The following DNAJB1 variants were observed in gnomAD, a reference collection of about 807,000 sequenced individuals.
DNAJB1 encodes the protein DnaJ heat shock protein family (Hsp40) member B1.
DNAJB1 carries 14 observed loss-of-function variants against 24.0 expected under a neutral mutation model. The ratio of observed to expected loss-of-function variants is 0.58; its 90% CI spans 0.39 to 0.91. DNAJB1 has a LOEUF of 0.91. Among genes scored for constraint, DNAJB1 ranks in the 40% least tolerant of loss-of-function variants. The pLI is 0.00. For synonymous variants in DNAJB1, 262 were observed against 174.4 expected (o/e 1.50, Z -3.96); for missense variants, 517 against 458.1 (o/e 1.13, Z -1.17).
At chr19:14,530,688 A>G (rs2072608252), upstream of DNAJB1, 1 of 152,186 alleles carries the variant, frequency 6.6e-6, no homozygotes, top group Admixed American at 6.6e-5. Flanking sequence ...CTTAGTTCCT[A>G]GCCACTATGC....
At chr19:14,517,227 A>G in intron 1 of DNAJB1, 181 bp from the exon 2 acceptor site, 1 of 615,846 alleles carries the variant, frequency 1.6e-6, no homozygotes, top group Non-Finnish European at 2.8e-6. Flanking sequence ...CCCCCCTACC[A>G]ACAGTATTTC....
At chr19:14,559,153 A>G (rs760216504) in intron 1 of DNAJB1, among the ~76,000 whole-genome samples, 1 of 151,910 alleles carries the variant, frequency 6.6e-6, no homozygotes, top group Non-Finnish European at 1.5e-5. Context: ...CCTGTTTGTT[A>G]CCCCTCACCC....
chr19:14,525,772 T>C (rs1055575077), intron 2 of DNAJB1, among the ~76,000 whole-genome samples: 2 of 150,236 alleles, frequency 1.3e-5, no homozygotes, highest in Non-Finnish European at 3.0e-5. Context: ...CTAAAATGGG[T>C]GAATTTTACT....
upstream of DNAJB1, among the ~76,000 whole-genome samples, chr19:14,518,693 C>T (rs988572998): frequency 6.6e-6 from 1 of 152,100 alleles, no homozygotes; most frequent in Non-Finnish European, 1.5e-5. Flanking sequence ...TCCCTCTCTA[C>T]GCGGCCCCAG....
At chr19:14,518,853 G>T (rs1327878401), upstream of DNAJB1, among the ~76,000 whole-genome samples, 2 of 152,254 alleles carry the variant, frequency 1.3e-5, no homozygotes, top group Non-Finnish European at 2.9e-5. Flanking sequence ...GCCTGCGGTG[G>T]GCTCCCGCCC....
intron 1 of DNAJB1, among the ~76,000 whole-genome samples, chr19:14,546,039 C>T (rs2146589630): frequency 6.6e-6 from 1 of 152,236 alleles, no homozygotes; most frequent in Admixed American, 6.5e-5. Context: ...TCACGCCCGC[C>T]ATGCCACTGA....
intron 1 of DNAJB1, among the ~76,000 whole-genome samples, chr19:14,544,414 C>T (rs1312054725): frequency 6.6e-6 from 1 of 151,902 alleles, no homozygotes; most frequent in Non-Finnish European, 1.5e-5. Flanking sequence ...CAGGCTCAGC[C>T]GTTCAGCCGC....
At chr19:14,536,879 G>A (rs2072916526) in intron 1 of DNAJB1, among the ~76,000 whole-genome samples, 1 of 151,282 alleles carries the variant, frequency 6.6e-6, no homozygotes, top group African/African-American at 2.4e-5. Flanking sequence ...GCTTGGTGCA[G>A]CACCTTGCAG....
chr19:14,557,116 T>TAATTAATTAATTA (rs1568422129), intron 1 of DNAJB1, among the ~76,000 whole-genome samples: 34 of 133,886 alleles, frequency 2.5e-4, no homozygotes, highest in African/African-American at 1.0e-3. Context: ...GGTCTAATCT[T>TAATTAATTAATTA]ATTTATTTAT....
chr19:14,554,206 C>T (rs1024567854), upstream of DNAJB1, among the ~76,000 whole-genome samples: 6 of 152,198 alleles, frequency 3.9e-5, no homozygotes, highest in Admixed American at 2.6e-4. Context: ...CTGCTCCCTC[C>T]GGCTGCTGCA....
chr19:14,522,790 A>C (rs1041191626), upstream of DNAJB1, among the ~76,000 whole-genome samples: 1 of 151,898 alleles, frequency 6.6e-6, no homozygotes, highest in Non-Finnish European at 1.5e-5. Context: ...GGAACTATGC[A>C]AGTGAGTCTG....
chr19:14,551,460 A>G (rs1484977066), upstream of DNAJB1, among the ~76,000 whole-genome samples: 4 of 152,158 alleles, frequency 2.6e-5, no homozygotes, highest in Non-Finnish European at 5.9e-5. Flanking sequence ...TCCCTGTGTT[A>G]GATGGTCTTG....
At chr19:14,529,808 CG>C (rs2072549916), upstream of DNAJB1, 3 of 1,571,134 alleles carry the variant, frequency 1.9e-6, no homozygotes, top group African/African-American at 4.1e-5. Context: ...TCCTGTGCCC[CG>C]AAGGAAGAGC....
chr19:14,518,298 C>G lies in DNAJB1; in HGVS notation c.52G>C (p.Glu18Gln). 6.2e-7 allele frequency: 1 copy of G among 1,608,462 alleles called. No homozygotes were observed. Among genetic ancestry groups the G allele is most frequent in the Non-Finnish European group, 8.5e-7 (1 of 1,178,856 alleles). ...TLGLARGASD[E>Q]EIKRAYRRQA... ...CGGCGGTAGGCCCGCTTGATCTCCTCGTCCGACGCGCCGCGGGCCAGGCCC... is the reference window on the plus strand; with the variant it reads ...CGGCGGTAGGCCCGCTTGATCTCCTGGTCCGACGCGCCGCGGGCCAGGCCC... Residue 18 changes from glutamate (E) to glutamine (Q), a missense_variant, in exon 1 of 3, where the codon GAG (glutamate) becomes CAG (glutamine). Glu to Gln is a conservative substitution (Grantham distance 29). Coordinates refer to ENST00000254322, the MANE Select transcript of DNAJB1 (RefSeq NM_006145.3).
At chr19:14,518,054 CG>C (rs1429065753) in intron 1 of DNAJB1, 84 bp downstream of exon 1, 6 of 1,330,482 alleles carry the variant, frequency 4.5e-6, no homozygotes, top group African/African-American at 1.5e-5. Flanking sequence ...GCGTCCTTCC[CG>C]GGGGGCCGCC....
At chr19:14,535,402 G>A (rs1347487010) in intron 1 of DNAJB1, among the ~76,000 whole-genome samples, 13 of 147,372 alleles carry the variant, frequency 8.8e-5, no homozygotes, top group Non-Finnish European at 1.6e-4. Context: ...CAGCTACTTG[G>A]GAGGCTGAGG....
At chr19:14,529,880 G>T, upstream of DNAJB1, 5 of 897,940 alleles carry the variant, frequency 5.6e-6, no homozygotes, top group South Asian at 1.4e-5. Flanking sequence ...ATTCCAATGC[G>T]CATGTGCGCA....
At chr19:14,530,397 C>T (rs376490364), upstream of DNAJB1, 1 of 152,356 alleles carries the variant, frequency 6.6e-6, no homozygotes, top group Non-Finnish European at 1.5e-5. Context: ...GTGCTTATCG[C>T]CCTAGGTGAT....
At chr19:14,559,095 C>T (rs1354426656) in intron 1 of DNAJB1, among the ~76,000 whole-genome samples, 1 of 152,190 alleles carries the variant, frequency 6.6e-6, no homozygotes, top group Non-Finnish European at 1.5e-5. Flanking sequence ...TGGGGAACCT[C>T]TCCTGCTCCT....
Sources: gnomAD v4.1 joint callset for allele counts (sites outside exome capture counted in the v4.1 genomes callset) on GRCh38, gnomAD v4.1.1 for gene constraint, MANE v1.5 for transcripts, NCBI Gene and HGNC (gene_info 2026-07-23, HGNC 2026-07-21) for gene names.